The following EPHA6 variants were observed in gnomAD, a reference collection of about 807,000 sequenced individuals.
EPHA6 encodes ephrin type-A receptor 6.
In EPHA6, 50 loss-of-function variants were observed where a neutral mutation model predicts 112.0. The ratio of observed to expected loss-of-function variants is 0.45; its 90% confidence interval spans 0.36 to 0.56. The LOEUF (loss-of-function observed/expected upper bound fraction) is 0.56, where lower values mean the gene tolerates loss of function less well. Among genes scored for constraint, EPHA6 ranks in the 20% least tolerant of loss-of-function variants. The pLI, the probability that EPHA6 is intolerant of heterozygous loss-of-function variation, is 0.00. For synonymous variants in EPHA6, 529 were observed against 490.7 expected (o/e 1.08, Z -1.03); for missense variants, 1,280 against 1,417.4 (o/e 0.90, Z 1.56).
intron 14 of EPHA6, among the ~76,000 whole-genome samples, chr3:97,690,274 G>T (rs1325654075): frequency 6.6e-6 from 1 of 152,176 alleles, no homozygotes; most frequent in Non-Finnish European, 1.5e-5. Context: ...TAAGGAATGA[G>T]GGTTCTAATT....
At chr3:97,464,561 T>C (rs151116091) in intron 7 of EPHA6, among the ~76,000 whole-genome samples, 47 of 152,110 alleles carry the variant, frequency 3.1e-4, no homozygotes, top group African/African-American at 1.1e-3. Context: ...AAAGCAAAGA[T>C]TGTCCTTAGG....
chr3:96,979,672 G>A (rs2042678176), intron 2 of EPHA6, among the ~76,000 whole-genome samples: 1 of 152,130 alleles, frequency 6.6e-6, no homozygotes, highest in South Asian at 2.1e-4. Context: ...CACCAACAGT[G>A]TAAAAGTGTT....
At chr3:97,324,418 TTTCTTTCTTTC>T (rs1228668208) in intron 5 of EPHA6, among the ~76,000 whole-genome samples, 2 of 127,242 alleles carry the variant, frequency 1.6e-5, no homozygotes, top group African/African-American at 7.1e-5. Context: ...TCTTTCTTTC[TTTCTTTCTTTC>T]TTTCTTTCTT....
At chr3:97,373,477 C>T (rs1332529803) in intron 5 of EPHA6, among the ~76,000 whole-genome samples, 1 of 152,028 alleles carries the variant, frequency 6.6e-6, no homozygotes, top group African/African-American at 2.4e-5. Flanking sequence ...CAATTCTTTG[C>T]TAATAAGAAA....
At chr3:97,567,553 C>G (rs917425959) in intron 11 of EPHA6, among the ~76,000 whole-genome samples, 1 of 152,080 alleles carries the variant, frequency 6.6e-6, no homozygotes, top group African/African-American at 2.4e-5. Context: ...CAGAATATGA[C>G]CAATGAAGTC....
At chr3:97,315,263 C>T (rs2081767522) in intron 5 of EPHA6, among the ~76,000 whole-genome samples, 1 of 151,622 alleles carries the variant, frequency 6.6e-6, no homozygotes, top group African/African-American at 2.4e-5. Context: ...CACTTTTTTA[C>T]AGTTTAAAAT....
At chr3:97,492,741 T>C (rs771380165) in intron 10 of EPHA6, among the ~76,000 whole-genome samples, 2 of 151,562 alleles carry the variant, frequency 1.3e-5, no homozygotes, top group African/African-American at 2.4e-5. Context: ...TAAAGATCAC[T>C]GTATACTGGG....
At chr3:97,149,986 C>T (rs938218774) in intron 3 of EPHA6, among the ~76,000 whole-genome samples, 55 of 151,972 alleles carry the variant, frequency 3.6e-4, no homozygotes, top group Admixed American at 4.6e-4. Context: ...TAACTCCCAT[C>T]CTTGAGAAAA....
At chr3:97,513,190 A>T (rs1341586900) in intron 10 of EPHA6, among the ~76,000 whole-genome samples, 5 of 152,216 alleles carry the variant, frequency 3.3e-5, no homozygotes, top group Non-Finnish European at 7.3e-5. Context: ...TTCACAGTGT[A>T]TGTTGGTAGG....
intron 3 of EPHA6, among the ~76,000 whole-genome samples, chr3:97,080,785 A>T (rs2046695589): frequency 6.6e-6 from 1 of 152,064 alleles, no homozygotes; most frequent in African/African-American, 2.4e-5. Flanking sequence ...AAGATAACAT[A>T]CATATTGATA....
intron 10 of EPHA6, among the ~76,000 whole-genome samples, chr3:97,508,057 CTTT>C (rs1204591043): frequency 6.6e-6 from 1 of 152,006 alleles, no homozygotes; most frequent in Admixed American, 6.6e-5. Context: ...CTCTTTTCTT[CTTT>C]ATTAGTCTGG....
intron 3 of EPHA6, among the ~76,000 whole-genome samples, chr3:97,158,180 A>C (rs1230758750): frequency 6.6e-6 from 1 of 152,176 alleles, no homozygotes; most frequent in African/African-American, 2.4e-5. Context: ...ATATAAGGTA[A>C]AGTTAACACA....
chr3:96,817,076 G>A (rs1043901935), intron 1 of EPHA6, among the ~76,000 whole-genome samples: 1 of 151,906 alleles, frequency 6.6e-6, no homozygotes, highest in Non-Finnish European at 1.5e-5. Flanking sequence ...TTGATATACC[G>A]ATAACACAGG....
intron 12 of EPHA6, among the ~76,000 whole-genome samples, chr3:97,604,661 A>G (rs2093667467): frequency 6.6e-6 from 1 of 151,652 alleles, no homozygotes; most frequent in African/African-American, 2.4e-5. Flanking sequence ...AAGTTTATGT[A>G]GAACATGATA....
intron 5 of EPHA6, among the ~76,000 whole-genome samples, chr3:97,334,092 T>A (rs937705708): frequency 6.6e-6 from 1 of 152,086 alleles, no homozygotes; most frequent in African/African-American, 2.4e-5. Flanking sequence ...GTTGATATAG[T>A]CGGTTATAGT....
At chr3:96,872,559 T>G (rs1382947070) in intron 2 of EPHA6, among the ~76,000 whole-genome samples, 1 of 152,112 alleles carries the variant, frequency 6.6e-6, no homozygotes, top group Non-Finnish European at 1.5e-5. Context: ...GAGAAAGTCT[T>G]TATATCTTCT....
At chr3:96,821,592 A>T (rs2033261845) in intron 1 of EPHA6, among the ~76,000 whole-genome samples, 1 of 151,858 alleles carries the variant, frequency 6.6e-6, no homozygotes, top group African/African-American at 2.4e-5. Context: ...TTCTCCCAGA[A>T]TATATGATCC....
intron 2 of EPHA6, among the ~76,000 whole-genome samples, chr3:96,899,381 AATAAG>A (rs1177380567): frequency 1.3e-5 from 2 of 152,218 alleles, no homozygotes; most frequent in African/African-American, 2.4e-5. Context: ...TTTATTTCAA[AATAAG>A]ATAATATATT....
At chr3:97,173,179 T>C (rs1401054580) in intron 3 of EPHA6, among the ~76,000 whole-genome samples, 1 of 151,854 alleles carries the variant, frequency 6.6e-6, no homozygotes, top group African/African-American at 2.4e-5. Flanking sequence ...TAAATGTAAA[T>C]GTGAAATGTC....
Sources: allele counts gnomAD v4.1 joint callset (sites outside exome capture counted in the v4.1 genomes callset), GRCh38; gene constraint gnomAD v4.1.1; transcripts MANE v1.5; gene names NCBI Gene and HGNC (gene_info 2026-07-23, HGNC 2026-07-21).